ARHGAP9: variants seen among roughly 807,000 people sequenced by gnomAD.
ARHGAP9 encodes the protein rho GTPase-activating protein 9.
Under a neutral mutation model 87.3 loss-of-function variants are expected in ARHGAP9, and 76 were observed. That is an observed-to-expected ratio of 0.87 (90% CI 0.72 to 1.05). The LOEUF (loss-of-function observed/expected upper bound fraction) is 1.05. Among genes scored for constraint, ARHGAP9 ranks in the 50% least tolerant of loss-of-function variants. The pLI is 0.00. For synonymous variants in ARHGAP9, 382 were observed against 394.9 expected (o/e 0.97, Z 0.39); for missense variants, 941 against 960.5 (o/e 0.98, Z 0.27).
Position 57,474,859 on chromosome 12 carries a change from T to C in ARHGAP9, c.1651+16A>G, listed in dbSNP as rs1872991897. ...AGCCTGTTGGAAGAGGATTCTGGGG[T>C]CTCTGAGAAAATGACCTCTTTTATC... On this transcript the variant is annotated intron_variant, in intron 13 of 17. Transcript: ENST00000393791. The C allele has an allele frequency of 1.9e-6, 3 of 1,613,846 alleles. No individual in the cohort carries two copies. In the East Asian group the frequency reaches 6.7e-5, roughly 36 times the overall value.
intron 15 of ARHGAP9, 42 bp from the exon 16 acceptor site, chr12:57,474,218 A>AACTGAG: frequency 6.3e-7 from 1 of 1,598,310 alleles, no homozygotes; most frequent in Non-Finnish European, 8.5e-7. Flanking sequence ...AAGGGCCAGA[A>AACTGAG]AGATTTAGAG....
At chr12:57,485,366 G>A (rs1245217189) in intron 1 of ARHGAP9, among the ~76,000 whole-genome samples, 1 of 150,126 alleles carries the variant, frequency 6.7e-6, no homozygotes, top group Non-Finnish European at 1.5e-5. Context: ...GACCAGCCTG[G>A]CCAACATGAT....
Position 57,472,301 on chromosome 12 carries a change from G to A in ARHGAP9, c.*216C>T, listed in dbSNP as rs976335085. 8 of 624,332 alleles carry A rather than the reference G, an allele frequency of 1.3e-5. No homozygotes were observed. The East Asian group carries it at 2.3e-4, about 18-fold the overall frequency. 38.7% of individuals were successfully genotyped at this position (624,332 alleles called of 1,614,324 possible). A position where few individuals can be genotyped will look rare whatever the true frequency, so the allele number is the denominator to read the frequency against. On this transcript the variant is annotated 3_prime_UTR_variant, in exon 18 of 18. Coordinates refer to ENST00000393791, the MANE Select transcript of ARHGAP9 (RefSeq NM_032496.4). ...CCACTTTATGTATTATTATGTTGGGGAGGAATGATAACAGGGAACAAGAAG... is the reference window on the plus strand; with the variant it reads ...CCACTTTATGTATTATTATGTTGGGAAGGAATGATAACAGGGAACAAGAAG...
intron 6 of ARHGAP9, 89 bp downstream of exon 6, chr12:57,476,782 A>T: frequency 7.3e-7 from 1 of 1,378,662 alleles, no homozygotes; most frequent in Non-Finnish European, 1.0e-6. Context: ...GAGGATATTC[A>T]GAAAGAGGAA....
chr12:57,475,684 C>A (rs1364240434), intron 10 of ARHGAP9, 69 bp from the exon 11 acceptor site: 86 of 1,573,120 alleles, frequency 5.5e-5, no homozygotes, highest in Non-Finnish European at 4.1e-5. Context: ...TGGACTCTGA[C>A]CCACTGCCGG....
At chr12:57,482,223 G>C (rs1204020208), upstream of ARHGAP9, among the ~76,000 whole-genome samples, 1 of 151,988 alleles carries the variant, frequency 6.6e-6, no homozygotes, top group Non-Finnish European at 1.5e-5. Flanking sequence ...AACATAGTGA[G>C]ATCCTGCCTC....
At chr12:57,475,642 G>A (rs1002462651) in intron 10 of ARHGAP9, 27 bp from the exon 11 acceptor site, 1 of 1,600,380 alleles carries the variant, frequency 6.2e-7, no homozygotes, top group Non-Finnish European at 8.5e-7. Flanking sequence ...CCGTGTCGAA[G>A]GTGAGAGAGG....
chr12:57,481,127 T>C (rs2139968123), upstream of ARHGAP9, among the ~76,000 whole-genome samples: 1 of 152,334 alleles, frequency 6.6e-6, no homozygotes, highest in East Asian at 1.9e-4. Flanking sequence ...TCCTATACTT[T>C]AGCTTGTTTT....
At position 57,474,419 on chromosome 12, in the gene ARHGAP9, G is replaced by C; in HGVS notation, c.1783+4C>G. On this transcript the variant is annotated splice_donor_region_variant and intron_variant, in intron 15 of 17. Coordinates refer to ENST00000393791, the MANE Select transcript of ARHGAP9 (RefSeq NM_032496.4). ...GGGATCTGAAGGGTCTTCCATGTAA[G>C]TACCTTGTCCTGGCTGTTCTGGGAA... The C allele has an allele frequency of 1.9e-6, 3 of 1,614,178 alleles. No homozygotes were observed. The highest frequency in any genetic ancestry group is 1.7e-6 in the Non-Finnish European group (2 of 1,180,006).
chr12:57,475,695 G>A (rs543966734), intron 10 of ARHGAP9, 80 bp from the exon 11 acceptor site: 12 of 1,559,792 alleles, frequency 7.7e-6, no homozygotes, highest in Non-Finnish European at 1.0e-5. Context: ...CCACTGCCGG[G>A]GTCCCACATC....
At chr12:57,482,211 G>A (rs1273400260), upstream of ARHGAP9, among the ~76,000 whole-genome samples, 1 of 151,984 alleles carries the variant, frequency 6.6e-6, no homozygotes, top group Admixed American at 6.6e-5. Flanking sequence ...AGCTTGAGGT[G>A]CAACATAGTG....
chr12:57,488,629 C>T (rs1288670968), exon 1 of ARHGAP9: 2 of 1,551,032 alleles, frequency 1.3e-6, no homozygotes, highest in Non-Finnish European at 8.7e-7. Context: ...CATTCTCAGC[C>T]GATTGTTTGG....
chr12:57,477,206 C>T lies in ARHGAP9; in HGVS notation c.820G>A (p.Ala274Thr). 6.2e-7 allele frequency: 1 copy of T among 1,608,924 alleles called. No individual in the cohort carries two copies. Among genetic ancestry groups the T allele is most frequent in the Non-Finnish European group, 8.5e-7 (1 of 1,177,266 alleles). The change falls in exon 5 of 18, where the codon GCA (alanine) becomes ACA (threonine). Residue 274 changes from alanine (A) to threonine (T), a missense_variant. Physicochemically the swap from Ala to Thr is moderately conservative, Grantham distance 58. Coordinates refer to ENST00000393791, the MANE Select transcript of ARHGAP9 (RefSeq NM_032496.4). ...CCTGTGTCAGATCTGAAGCCCTTTG[C>T]CTGAGGTTGCAGGACATCATTGTTC... The part of the protein sequence containing the change: ...KRNNDVLQPQ[A>T]KGFRSDTGTP...
At position 57,475,870 on chromosome 12, in the gene ARHGAP9, G is replaced by A. The variant is rs958985883; in HGVS notation, c.1274C>T (p.Ala425Val). 1.2e-6 allele frequency: 2 copies of A among 1,613,808 alleles called. No individual in the cohort carries two copies. Among genetic ancestry groups the A allele is most frequent in the Non-Finnish European group, 1.7e-6 (2 of 1,179,938 alleles). ...GACAGTCCGCAGCGCGCGGTGCCAG[G>A]CTCGCAGCTCTGTCTCGTGGTCCGA... ...LQSDHETELR[A>V]WHRALRTVIE... Residue 425 changes from alanine (A) to valine (V), a missense_variant, in exon 10 of 18, where the codon GCC becomes GTC. By Grantham distance (64) the Ala-to-Val change is moderately conservative. Coordinates refer to ENST00000393791, the MANE Select transcript of ARHGAP9 (RefSeq NM_032496.4).
intron 12 of ARHGAP9, 71 bp from the exon 13 acceptor site, chr12:57,475,044 T>G: frequency 1.3e-6 from 2 of 1,501,894 alleles, no homozygotes; most frequent in Non-Finnish European, 1.8e-6. Context: ...GCATAGGTCT[T>G]TATCCTTAAG....
intron 1 of ARHGAP9, chr12:57,488,514 CTTTAGTTACTAGCA>C: frequency 6.7e-7 from 1 of 1,488,138 alleles, no homozygotes; most frequent in South Asian, 1.2e-5. Context: ...CCCCTCTGCT[CTTTAGTTACTAGCA>C]TGACAGCCCC....
chr12:57,481,597 A>G (rs547305283), upstream of ARHGAP9, among the ~76,000 whole-genome samples: 1 of 152,070 alleles, frequency 6.6e-6, no homozygotes, highest in South Asian at 2.1e-4. Flanking sequence ...CCTACACTGT[A>G]GAGGGGATCT....
chr12:57,477,707 T>TGGTC (rs1289453407), intron 3 of ARHGAP9, 27 bp from the exon 4 acceptor site: 2 of 1,604,864 alleles, frequency 1.2e-6, no homozygotes, highest in Non-Finnish European at 8.5e-7. Context: ...AAGAAGGAGG[T>TGGTC]GGTCATTCTG....
At chr12:57,476,565 C>A in intron 7 of ARHGAP9, 25 bp downstream of exon 7, 1 of 1,614,086 alleles carries the variant, frequency 6.2e-7, no homozygotes, top group Admixed American at 1.7e-5. Context: ...ACAGCCCAGG[C>A]CCTAGCTGTA....
Sources: allele counts gnomAD v4.1 joint callset (sites outside exome capture counted in the v4.1 genomes callset), GRCh38; gene constraint gnomAD v4.1.1; transcripts MANE v1.5; gene names NCBI Gene and HGNC (gene_info 2026-07-23, HGNC 2026-07-21).